PRKG1: variants seen among roughly 807,000 people sequenced by gnomAD.
The protein encoded by PRKG1 is protein kinase cGMP-dependent 1, also known as cGMP-dependent protein kinase 1.
Under a neutral mutation model 88.1 loss-of-function variants are expected in PRKG1, and 35 were observed. The observed-to-expected ratio is 0.40, with a 90% CI of 0.30 to 0.53. The LOEUF is 0.53. Among genes scored for constraint, PRKG1 ranks in the 20% least tolerant of loss-of-function variants. The pLI is 0.59. For missense variants in PRKG1, 540 were observed against 839.8 expected, an observed-to-expected ratio of 0.64 and a Z score of 4.41; for synonymous variants, 303 against 292.5, an observed-to-expected ratio of 1.04 and a Z score of -0.37.
intron 3 of PRKG1, among the ~76,000 whole-genome samples, chr10:51,494,415 A>G (rs141929998): frequency 6.6e-6 from 1 of 152,362 alleles, no homozygotes; most frequent in East Asian, 1.9e-4. Context: ...AACTACTGGT[A>G]AAATTGTCTT....
intron 5 of PRKG1, among the ~76,000 whole-genome samples, chr10:52,010,605 T>C (rs923386989): frequency 6.6e-6 from 1 of 152,054 alleles, no homozygotes; most frequent in African/African-American, 2.4e-5. Flanking sequence ...ACACCCTGAA[T>C]GTAAAATAAA....
chr10:51,061,129 A>T (rs1219913546), intron 1 of PRKG1, among the ~76,000 whole-genome samples: 2 of 150,692 alleles, frequency 1.3e-5, no homozygotes, highest in African/African-American at 4.9e-5. Context: ...CATACCTGAG[A>T]CTGGGTAATT....
intron 9 of PRKG1, among the ~76,000 whole-genome samples, chr10:52,230,445 A>G (rs1335653705): frequency 1.3e-5 from 2 of 152,254 alleles, no homozygotes; most frequent in Non-Finnish European, 2.9e-5. Flanking sequence ...ATTTATTAAT[A>G]TTTATGATAA....
intron 12 of PRKG1, among the ~76,000 whole-genome samples, chr10:52,277,313 TAAATAAC>T (rs954975086): frequency 3.9e-5 from 6 of 152,106 alleles, no homozygotes; most frequent in African/African-American, 1.4e-4. Flanking sequence ...CAGAAGCACT[TAAATAAC>T]AGAGAGGATT....
chr10:51,215,296 C>A (rs948534328), intron 2 of PRKG1, among the ~76,000 whole-genome samples: 3 of 152,148 alleles, frequency 2.0e-5, no homozygotes, highest in Admixed American at 6.5e-5. Context: ...AGAGCTTTTT[C>A]TTTGATCGTG....
chr10:51,454,808 CAT>C (rs1441135238), intron 2 of PRKG1, among the ~76,000 whole-genome samples: 1 of 152,170 alleles, frequency 6.6e-6, no homozygotes, highest in Non-Finnish European at 1.5e-5. Flanking sequence ...CCTCACATAA[CAT>C]GTGGGAATTA....
At chr10:51,187,921 A>T (rs1292657371) in intron 2 of PRKG1, among the ~76,000 whole-genome samples, 2 of 152,040 alleles carry the variant, frequency 1.3e-5, no homozygotes, top group African/African-American at 2.4e-5. Flanking sequence ...GACCTATGAG[A>T]CAAAAGTTAC....
chr10:51,465,846 A>C (rs2132811296), intron 2 of PRKG1, among the ~76,000 whole-genome samples: 1 of 152,322 alleles, frequency 6.6e-6, no homozygotes, highest in African/African-American at 2.4e-5. Flanking sequence ...TATAAATTAT[A>C]AAGAAATTAT....
At chr10:52,273,228 A>T (rs375390869) in intron 12 of PRKG1, among the ~76,000 whole-genome samples, 1 of 152,028 alleles carries the variant, frequency 6.6e-6, no homozygotes, top group Non-Finnish European at 1.5e-5. Context: ...TCAGGAGATC[A>T]TTATCTACCC....
rs535230128 is a variant in PRKG1 at position 52,253,835 on chromosome 10, T to C, written c.1173+2169T>C. Among the ~76,000 whole-genome samples, 23 of 152,074 alleles carry C rather than the reference T, an allele frequency of 1.5e-4. No individual in the cohort carries two copies. In the South Asian group the frequency reaches 4.6e-3, roughly 30 times the overall value. On this transcript the variant is annotated intron_variant, in intron 10 of 17. Transcript: ENST00000373980. ...TGAGTGATAAATTCAAAATGGATCATTGGGTACAACTTCTACATCGGGACG... is the reference window on the plus strand; with the variant it reads ...TGAGTGATAAATTCAAAATGGATCACTGGGTACAACTTCTACATCGGGACG...
chr10:51,018,365 A>G (rs760258260), intron 1 of PRKG1, among the ~76,000 whole-genome samples: 6 of 152,062 alleles, frequency 3.9e-5, no homozygotes, highest in Non-Finnish European at 5.9e-5. Flanking sequence ...TCTGTATGCA[A>G]TATGTCTTCT....
intron 2 of PRKG1, among the ~76,000 whole-genome samples, chr10:51,322,488 C>A (rs1201613180): frequency 6.6e-6 from 1 of 152,116 alleles, no homozygotes; most frequent in Non-Finnish European, 1.5e-5. Flanking sequence ...GTGAGGCTCT[C>A]GTTTTAGTGC....
chr10:52,117,971 A>G lies in PRKG1; in HGVS notation c.936-15869A>G, dbSNP rs1000957939. Among the ~76,000 whole-genome samples the G allele has an allele frequency of 2.6e-5, 4 of 152,106 alleles. No homozygotes were observed. The East Asian group carries it at 7.7e-4, about 29-fold the overall frequency. On this transcript the variant is annotated intron_variant, in intron 7 of 17. Transcript: ENST00000373980. ...ATTGTACAAAAAATGTATTTTAATC[A>G]ATACTACATTGATAGGTATTTAGGT...
At chr10:51,991,417 C>A (rs1319133040) in intron 5 of PRKG1, among the ~76,000 whole-genome samples, 1 of 151,758 alleles carries the variant, frequency 6.6e-6, no homozygotes, top group Non-Finnish European at 1.5e-5. Context: ...TTCTAGGGTA[C>A]ATGTGCACAA....
intron 5 of PRKG1, among the ~76,000 whole-genome samples, chr10:52,001,604 G>T (rs1903981): frequency 0.38 from 57,000 of 151,414 alleles, 10,983 homozygotes; most frequent in Admixed American, 0.43. Context: ...CTGTTAAGTG[G>T]TATTTAAATA....
intron 2 of PRKG1, among the ~76,000 whole-genome samples, chr10:51,268,034 G>C (rs1839881407): frequency 6.6e-6 from 1 of 152,146 alleles, no homozygotes. Flanking sequence ...GAGTACAAAA[G>C]AGAGAAATTT....
intron 9 of PRKG1, among the ~76,000 whole-genome samples, chr10:52,209,852 C>T (rs532268940): frequency 2.6e-5 from 4 of 152,268 alleles, no homozygotes; most frequent in South Asian, 2.1e-4. Context: ...TGAACCACCA[C>T]GTTAATTCCC....
At chr10:51,208,833 C>A (rs1023560960) in intron 2 of PRKG1, among the ~76,000 whole-genome samples, 1 of 152,146 alleles carries the variant, frequency 6.6e-6, no homozygotes, top group South Asian at 2.1e-4. Flanking sequence ...TTCTCACTAC[C>A]TGCCTCGAAT....
intron 5 of PRKG1, among the ~76,000 whole-genome samples, chr10:51,956,328 A>C (rs1161295105): frequency 2.0e-5 from 3 of 151,812 alleles, no homozygotes; most frequent in African/African-American, 7.2e-5. Context: ...CTGGTGTTAC[A>C]ACAATAATAT....
Sources: allele counts gnomAD v4.1 joint callset (sites outside exome capture counted in the v4.1 genomes callset), GRCh38; gene constraint gnomAD v4.1.1; transcripts MANE v1.5; gene names NCBI Gene and HGNC (gene_info 2026-07-23, HGNC 2026-07-21).